The following CDCA5 variants were observed in gnomAD, a reference collection of about 807,000 sequenced individuals.
The protein encoded by CDCA5 is sororin.
Under a neutral mutation model 25.7 loss-of-function variants are expected in CDCA5, and 14 were observed. That is an observed-to-expected ratio of 0.54 (90% CI 0.36 to 0.85). The LOEUF is 0.85. Ranked by LOEUF, CDCA5 falls within the 40% of genes least tolerant of loss-of-function variation. The pLI is 0.01. For missense variants in CDCA5, 307 were observed against 324.5 expected (o/e 0.95, Z 0.41); for synonymous variants, 127 against 128.7 (o/e 0.99, Z 0.09).
chr11:65,074,473 T>C (rs182590556), downstream of CDCA5, among the ~76,000 whole-genome samples: 1 of 152,326 alleles, frequency 6.6e-6, no homozygotes, highest in African/African-American at 2.4e-5. Context: ...TTCCAGCTTT[T>C]TGGTTATTGT....
In CDCA5 at chr11:65,077,480, CT is replaced by C. The variant is rs1207128560; in HGVS notation, c.*1626del. 4 of 985,270 alleles carry C rather than the reference CT, an allele frequency of 4.1e-6. No homozygotes were observed. The highest frequency in any genetic ancestry group is 4.8e-6 in the Non-Finnish European group (4 of 829,920). The allele number at this position is 985,270 out of a possible 1,614,324, so 61.0% of individuals were successfully genotyped here. A position where few individuals can be genotyped will look rare whatever the true frequency, so the allele number is the denominator to read the frequency against. On this transcript the variant is annotated 3_prime_UTR_variant, in exon 6 of 6. Transcript: ENST00000275517. ...AACAGGCAGAAACTCTTTAATCAGG[CT>C]TTTTTTCCAACTCTAAAACAAAATC...
At chr11:65,079,262 A>G in intron 5 of CDCA5, 75 bp from the exon 6 acceptor site, 1 of 1,604,014 alleles carries the variant, frequency 6.2e-7, no homozygotes, top group Non-Finnish European at 8.5e-7. Context: ...CACACCCTGC[A>G]GGTGCTGCCT....
rs769620516 is a variant in CDCA5 at position 65,083,496 on chromosome 11, G to A, written c.196C>T (p.His66Tyr). ...KPIVLKRIVAHAVEVPAVQSP... is the reference protein window; with the variant it reads ...KPIVLKRIVAYAVEVPAVQSP... ...TCCTTAGCCTTTACCTCTACAGCAT[G>A]GGCCACGATCCTCTTTAAGACGATG... The change falls in exon 3 of 6, where the codon CAT (histidine) becomes TAT (tyrosine). Residue 66 changes from histidine to tyrosine, a missense_variant. Transcript: ENST00000275517. The A allele has an allele frequency of 6.2e-7, 1 of 1,614,202 alleles. No homozygotes were observed. Among genetic ancestry groups the A allele is most frequent in the East Asian group, 2.2e-5 (1 of 44,886 alleles).
Position 65,078,712 on chromosome 11 carries a change from T to C in CDCA5, c.*395A>G. On this transcript the variant is annotated 3_prime_UTR_variant, in exon 6 of 6. Transcript: ENST00000275517. ...GAGAGGCCGAGGCTGGCAGAGCCCCTGGGCCTATTTCCAAGCAGCCACCCC... is the reference window on the plus strand; with the variant it reads ...GAGAGGCCGAGGCTGGCAGAGCCCCCGGGCCTATTTCCAAGCAGCCACCCC... The C allele has an allele frequency of 3.0e-6, 3 of 1,009,612 alleles. No homozygotes were observed. Among genetic ancestry groups the C allele is most frequent in the Non-Finnish European group, 3.5e-6 (3 of 846,738 alleles). The allele number at this position is 1,009,612 out of a possible 1,614,324, so 62.5% of individuals were successfully genotyped here.
intron 1 of CDCA5, among the ~76,000 whole-genome samples, chr11:65,071,097 A>T (rs1472358270): frequency 6.6e-6 from 1 of 151,316 alleles, no homozygotes; most frequent in East Asian, 2.0e-4. Context: ...GCCCGCCACC[A>T]CACCCGGCTA....
At chr11:65,070,640 C>T (rs879578670) in intron 1 of CDCA5, among the ~76,000 whole-genome samples, 2 of 152,100 alleles carry the variant, frequency 1.3e-5, no homozygotes, top group Admixed American at 1.3e-4. Flanking sequence ...TGGCACCACA[C>T]CCAGCTAATT....
intron 4 of CDCA5, chr11:65,066,990 A>C: frequency 1.4e-6 from 1 of 696,896 alleles, no homozygotes; most frequent in Non-Finnish European, 2.2e-6. Flanking sequence ...GCCACCTGGG[A>C]CCAGTGTTTC....
intron 1 of CDCA5, among the ~76,000 whole-genome samples, chr11:65,070,808 T>G (rs967624913): frequency 4.6e-5 from 7 of 152,180 alleles, no homozygotes; most frequent in Non-Finnish European, 1.0e-4. Flanking sequence ...TTCTCCAAAA[T>G]GCCTATCTAG....
chr11:65,079,323 G>C (rs766657504), intron 5 of CDCA5, 30 bp downstream of exon 5: 1 of 1,613,890 alleles, frequency 6.2e-7, no homozygotes, highest in Non-Finnish European at 8.5e-7. Context: ...CAGAGCACAC[G>C]GCAGAGAAAA....
chr11:65,075,475 T>A (rs1947426124), downstream of CDCA5, among the ~76,000 whole-genome samples: 1 of 148,804 alleles, frequency 6.7e-6, no homozygotes, highest in Non-Finnish European at 1.5e-5. Flanking sequence ...CTAGCTGCAG[T>A]GCAGACAGTG....
At chr11:65,082,480 T>G (rs1051592902) in intron 4 of CDCA5, among the ~76,000 whole-genome samples, 11 of 123,524 alleles carry the variant, frequency 8.9e-5, no homozygotes, top group Admixed American at 6.1e-4. Flanking sequence ...TTTTTTTTTT[T>G]GAGATGGAGT....
downstream of CDCA5, among the ~76,000 whole-genome samples, chr11:65,076,894 C>T (rs989582683): frequency 1.3e-5 from 2 of 152,170 alleles, no homozygotes; most frequent in South Asian, 2.1e-4. Context: ...AGGCATCTCC[C>T]GTGGGCACTG....
downstream of CDCA5, among the ~76,000 whole-genome samples, chr11:65,076,177 G>A (rs144108340): frequency 3.2e-3 from 494 of 152,272 alleles, 3 homozygotes; most frequent in African/African-American, 0.01. Flanking sequence ...GTGCAATGGC[G>A]TCACCATGGC....
At position 65,078,183 on chromosome 11, in the gene CDCA5, T is replaced by C; in HGVS notation, c.*924A>G. On this transcript the variant is annotated 3_prime_UTR_variant, in exon 6 of 6. Transcript: ENST00000275517. ...GTAGGTCTGGGACTCTTCAACTTTC[T>C]CTTCTAGGGCCAAGTAGACTCGGTG... is the stretch of plus-strand genomic sequence containing the variant. The C allele has an allele frequency of 1.0e-6, 1 of 985,428 alleles. No homozygotes were observed. Among genetic ancestry groups the C allele is most frequent in the Non-Finnish European group, 1.2e-6 (1 of 829,942 alleles). The allele number at this position is 985,428 out of a possible 1,614,324, so 61.0% of individuals were successfully genotyped here.
chr11:65,083,717 C>T lies in CDCA5; in HGVS notation c.53G>A (p.Arg18Lys), dbSNP rs1947626734. ...SGGAAQRSGP[R>K]APSPTKPLRR... ...CAGAGGCTTAGTAGGAGATGGGGCC[C>T]TTGGCCCTGGAAAGAGAAAAAAGTT... The change falls in exon 2 of 6, where the codon AGG becomes AAG. Residue 18 changes from arginine to lysine, a missense_variant. Coordinates refer to ENST00000275517, the MANE Select transcript of CDCA5 (RefSeq NM_080668.4). The T allele has an allele frequency of 6.2e-7, 1 of 1,612,634 alleles. No individual in the cohort carries two copies. Among genetic ancestry groups the T allele is most frequent in the African/African-American group, 1.3e-5 (1 of 74,882 alleles).
chr11:65,074,924 T>G (rs1048083689), downstream of CDCA5, among the ~76,000 whole-genome samples: 1 of 151,020 alleles, frequency 6.6e-6, no homozygotes, highest in African/African-American at 2.4e-5. Flanking sequence ...TAGCTGGGCG[T>G]GGTGGCACAT....
chr11:65,073,895 C>G (rs577343078), downstream of CDCA5, among the ~76,000 whole-genome samples: 5 of 152,268 alleles, frequency 3.3e-5, no homozygotes, highest in Non-Finnish European at 1.5e-5. Context: ...GCCTTCATCC[C>G]TCCTCACACC....
chr11:65,066,885 G>T, intron 4 of CDCA5: 2 of 1,289,272 alleles, frequency 1.6e-6, no homozygotes, highest in Non-Finnish European at 2.0e-6. Flanking sequence ...GAAGCCTAGG[G>T]TTGAAAAACA....
intron 4 of CDCA5, among the ~76,000 whole-genome samples, chr11:65,080,902 G>C (rs1947551547): frequency 6.6e-6 from 1 of 152,198 alleles, no homozygotes; most frequent in Non-Finnish European, 1.5e-5. Flanking sequence ...GAGAGTGCTT[G>C]GGGCAGGTTA....
Sources: gnomAD v4.1 joint callset for allele counts (sites outside exome capture counted in the v4.1 genomes callset) on GRCh38, gnomAD v4.1.1 for gene constraint, MANE v1.5 for transcripts, NCBI Gene and HGNC (gene_info 2026-07-23, HGNC 2026-07-21) for gene names.